The following EEFSEC variants were observed in gnomAD, a reference collection of about 807,000 sequenced individuals.
EEFSEC encodes selenocysteine-specific elongation factor.
A neutral mutation model predicts 42.1 loss-of-function variants in EEFSEC; 43 were observed. The observed-to-expected ratio is 1.02, with a 90% CI of 0.80 to 1.32. EEFSEC has a LOEUF of 1.32. EEFSEC is among the 40% of genes most tolerant of loss of function. The pLI, the probability that EEFSEC is intolerant of heterozygous loss-of-function variation, is 0.00. For synonymous variants in EEFSEC, 354 were observed against 339.1 expected (o/e 1.04, Z -0.48); for missense variants, 745 against 803.6 (o/e 0.93, Z 0.88).
intron 1 of EEFSEC, 156 bp downstream of exon 1, chr3:128,153,979 G>A: frequency 1.1e-5 from 12 of 1,118,174 alleles, no homozygotes; most frequent in Non-Finnish European, 1.4e-5. Flanking sequence ...GACTTGCCTA[G>A]GGCTCCGCAG....
rs141311071 is a variant in EEFSEC at position 128,313,145 on chromosome 3, C to T, written c.787-28088C>T. 3.3e-3 allele frequency among the ~76,000 whole-genome samples: 510 copies of T among 152,254 alleles called. 1 individual carries two copies. The highest frequency in any genetic ancestry group is 0.011 in the African/African-American group (471 of 41,546). On this transcript the variant is annotated intron_variant, in intron 4 of 6. Transcript: ENST00000254730. Reference sequence around the variant, plus strand: ...TGGGTAGAAACTGGTTTTTCCTATTCCTGCCAGCTCTTGGAAAAGGCTACA... The same window carrying T: ...TGGGTAGAAACTGGTTTTTCCTATTTCTGCCAGCTCTTGGAAAAGGCTACA...
At chr3:128,343,368 C>T (rs769414607) in intron 5 of EEFSEC, among the ~76,000 whole-genome samples, 7 of 152,092 alleles carry the variant, frequency 4.6e-5, no homozygotes, top group Non-Finnish European at 1.0e-4. Flanking sequence ...TTTTCCTGCC[C>T]CTGTACCTAG....
chr3:128,340,468 G>A (rs1214191555), intron 4 of EEFSEC, among the ~76,000 whole-genome samples: 4 of 151,300 alleles, frequency 2.6e-5, no homozygotes, highest in Non-Finnish European at 5.9e-5. Flanking sequence ...TCCTATATAG[G>A]TAATTTTGTT....
At chr3:128,183,166 C>T (rs1486315645) in intron 1 of EEFSEC, among the ~76,000 whole-genome samples, 7 of 152,106 alleles carry the variant, frequency 4.6e-5, no homozygotes, top group Admixed American at 1.3e-4. Context: ...AGAGTTGCTT[C>T]GAGAACATAG....
At chr3:128,234,709 G>A (rs1439582152) in intron 1 of EEFSEC, among the ~76,000 whole-genome samples, 1 of 152,196 alleles carries the variant, frequency 6.6e-6, no homozygotes, top group Non-Finnish European at 1.5e-5. Flanking sequence ...ATCAAAGCTA[G>A]CCTCTTGACA....
At chr3:128,213,819 TA>T (rs1429840337) in intron 1 of EEFSEC, among the ~76,000 whole-genome samples, 1 of 152,110 alleles carries the variant, frequency 6.6e-6, no homozygotes, top group African/African-American at 2.4e-5. Context: ...TTTTAGTATT[TA>T]AAAAAAGTCA....
At chr3:128,403,651 C>T (rs1345109136) in intron 6 of EEFSEC, among the ~76,000 whole-genome samples, 2 of 152,146 alleles carry the variant, frequency 1.3e-5, no homozygotes, top group African/African-American at 4.8e-5. Flanking sequence ...TCGTACCGCA[C>T]CACGCATGGC....
At chr3:128,363,261 C>T (rs2067550143) in intron 6 of EEFSEC, among the ~76,000 whole-genome samples, 1 of 152,252 alleles carries the variant, frequency 6.6e-6, no homozygotes, top group South Asian at 2.1e-4. Context: ...CTAGGATAGT[C>T]TGTGCCCAGG....
intron 4 of EEFSEC, among the ~76,000 whole-genome samples, chr3:128,267,597 T>C (rs1418338530): frequency 2.0e-5 from 3 of 152,246 alleles, no homozygotes; most frequent in African/African-American, 7.2e-5. Context: ...AGGAAGGAAC[T>C]GTTAGCAAAC....
intron 1 of EEFSEC, among the ~76,000 whole-genome samples, chr3:128,200,111 AC>A (rs1224675587): frequency 6.6e-6 from 1 of 152,114 alleles, no homozygotes; most frequent in African/African-American, 2.4e-5. Flanking sequence ...CGTTTATCTT[AC>A]GACTTTCTGT....
chr3:128,371,471 C>T (rs2067653088), intron 6 of EEFSEC, among the ~76,000 whole-genome samples: 1 of 152,176 alleles, frequency 6.6e-6, no homozygotes, highest in East Asian at 1.9e-4. Flanking sequence ...TAGATGTTCC[C>T]AAGTGTCCCC....
intron 5 of EEFSEC, among the ~76,000 whole-genome samples, chr3:128,344,651 G>A (rs2811352): frequency 0.017 from 2,531 of 152,272 alleles, 32 homozygotes; most frequent in South Asian, 0.032. Flanking sequence ...AAGAGTCTGC[G>A]TTCTCTTGAA....
chr3:128,410,524 G>A (rs1476713754), downstream of EEFSEC, among the ~76,000 whole-genome samples: 1 of 152,224 alleles, frequency 6.6e-6, no homozygotes, highest in Non-Finnish European at 1.5e-5. Context: ...TGAGCACACA[G>A]GGCGAATGTG....
At chr3:128,406,979 A>C (rs2068122844) in intron 6 of EEFSEC, among the ~76,000 whole-genome samples, 1 of 152,182 alleles carries the variant, frequency 6.6e-6, no homozygotes, top group South Asian at 2.1e-4. Context: ...CAGCATGTTT[A>C]AGGATGAGTG....
downstream of EEFSEC, among the ~76,000 whole-genome samples, chr3:128,411,695 C>A (rs946668901): frequency 6.6e-6 from 1 of 152,268 alleles, no homozygotes; most frequent in East Asian, 1.9e-4. Flanking sequence ...AATGCACAAA[C>A]GAAGAGATAA....
At chr3:128,308,092 C>T (rs2066851380) in intron 4 of EEFSEC, among the ~76,000 whole-genome samples, 1 of 152,250 alleles carries the variant, frequency 6.6e-6, no homozygotes. Flanking sequence ...ATGCTCTGCG[C>T]CCACAGTTAA....
chr3:128,409,053 G>A (rs1366883030), downstream of EEFSEC, among the ~76,000 whole-genome samples: 2 of 152,150 alleles, frequency 1.3e-5, no homozygotes, highest in African/African-American at 2.4e-5. Flanking sequence ...GCATGGTGAG[G>A]GCACCCTGCA....
intron 1 of EEFSEC, among the ~76,000 whole-genome samples, chr3:128,171,711 T>C (rs533382787): frequency 6.6e-6 from 1 of 152,336 alleles, no homozygotes; most frequent in South Asian, 2.1e-4. Context: ...ATGTCTGCTT[T>C]TGTATAATGA....
In EEFSEC at chr3:128,264,667, C is replaced by T. The variant is rs774900953; in HGVS notation, c.672C>T (p.Phe224=). 3.1e-6 allele frequency: 5 copies of T among 1,614,122 alleles called. No homozygotes were observed. The highest frequency in any genetic ancestry group is 2.2e-5 in the South Asian group (2 of 91,054). The stretch of plus-strand genomic sequence containing the variant: ...CAACGAGAGATCCCTCGGGACCGTT[C>T]CTCATGTCTGTGGACCACTGTTTCT... The part of the protein sequence containing the change: ...SIPTRDPSGP[F]LMSVDHCFSI... Residue 224 remains phenylalanine (F), a synonymous_variant, in exon 4 of 7, where the codon TTC becomes TTT. Coordinates refer to ENST00000254730, the MANE Select transcript of EEFSEC (RefSeq NM_021937.5).
Sources: gnomAD v4.1 joint callset for allele counts (sites outside exome capture counted in the v4.1 genomes callset) on GRCh38, gnomAD v4.1.1 for gene constraint, MANE v1.5 for transcripts, NCBI Gene and HGNC (gene_info 2026-07-23, HGNC 2026-07-21) for gene names.